Variants in CIMAP1D observed in about 807,000 individuals in gnomAD.
CIMAP1D encodes CIMAP1 family member D, also known as protein CIMAP1D.
the CIMAP1D span, among the ~76,000 whole-genome samples, chr19:479,190 C>CTGAT: frequency 6.6e-6 from 1 of 152,142 alleles, no homozygotes; most frequent in African/African-American, 2.4e-5. Flanking sequence ...TGCTGAGGGC[C>CTGAT]ATCACCACCC....
At chr19:478,585 C>T in the CIMAP1D span, among the ~76,000 whole-genome samples, 588 of 152,376 alleles carry the variant, frequency 3.9e-3, 4 homozygotes, top group African/African-American at 0.013. Context: ...CAGCTCAGAG[C>T]TTGTCGCAAC....
chr19:478,214 C>T, the CIMAP1D span, among the ~76,000 whole-genome samples: 1 of 152,218 alleles, frequency 6.6e-6, no homozygotes, highest in Non-Finnish European at 1.5e-5. Context: ...AAGTGCAGGA[C>T]CCCAGGGGCT....
At chr19:463,619 A>T in the CIMAP1D span, 2 of 630,684 alleles carry the variant, frequency 3.2e-6, no homozygotes, top group Non-Finnish European at 5.1e-6. Context: ...CCTGGAAGAA[A>T]CTGGGGCACT....
At chr19:485,791 C>T in the CIMAP1D span, among the ~76,000 whole-genome samples, 4 of 152,222 alleles carry the variant, frequency 2.6e-5, no homozygotes, top group Admixed American at 6.5e-5. Flanking sequence ...CCCTGGCACA[C>T]GGCACAGCAG....
At chr19:472,496 C>T in the CIMAP1D span, 2 of 1,542,130 alleles carry the variant, frequency 1.3e-6, no homozygotes, top group East Asian at 2.5e-5. Flanking sequence ...AAGCCTGGCC[C>T]CGAGCCTGCA....
At chr19:478,513 G>A in the CIMAP1D span, among the ~76,000 whole-genome samples, 1 of 152,258 alleles carries the variant, frequency 6.6e-6, no homozygotes. Context: ...AACGAGCTGG[G>A]GCCCCTCCAG....
the CIMAP1D span, chr19:463,369 A>C: frequency 5.8e-6 from 1 of 172,810 alleles, no homozygotes; most frequent in Non-Finnish European, 1.2e-5. Flanking sequence ...TCTCCAGCCC[A>C]GGAAAGGTTT....
At chr19:479,139 T>C in the CIMAP1D span, among the ~76,000 whole-genome samples, 1 of 152,150 alleles carries the variant, frequency 6.6e-6, no homozygotes, top group Non-Finnish European at 1.5e-5. Flanking sequence ...AAATGCAGAA[T>C]GTTGGCAAAC....
chr19:474,917 G>A, the CIMAP1D span: 6 of 527,016 alleles, frequency 1.1e-5, no homozygotes, highest in East Asian at 1.0e-4. Flanking sequence ...GCAGGGAGTC[G>A]TGGGGCCCTG....
chr19:478,293 T>A, the CIMAP1D span, among the ~76,000 whole-genome samples: 5 of 100,992 alleles, frequency 5.0e-5, no homozygotes, highest in African/African-American at 6.9e-4. Flanking sequence ...CCTCCTCACA[T>A]CCGGGTCACC....
At chr19:482,919 C>T in the CIMAP1D span, among the ~76,000 whole-genome samples, 1 of 152,270 alleles carries the variant, frequency 6.6e-6, no homozygotes, top group Non-Finnish European at 1.5e-5. Context: ...AGTGAACTTC[C>T]CAGGCAGACC....
At chr19:484,772 G>A in the CIMAP1D span, among the ~76,000 whole-genome samples, 10 of 152,198 alleles carry the variant, frequency 6.6e-5, 1 homozygote, top group African/African-American at 1.2e-4. Flanking sequence ...GAGGGAGGGC[G>A]GGGCTGACCC....
chr19:473,686 T>C, the CIMAP1D span, among the ~76,000 whole-genome samples: 1,462 of 58,506 alleles, frequency 0.025, no homozygotes, highest in African/African-American at 0.046. Flanking sequence ...CAGAGATACA[T>C]GGTCACAGAT....
the CIMAP1D span, among the ~76,000 whole-genome samples, chr19:488,507 G>A: frequency 6.6e-6 from 1 of 152,238 alleles, no homozygotes; most frequent in African/African-American, 2.4e-5. Context: ...GGGCGACAGA[G>A]CGAGACTCCG....
chr19:467,095 G>T, the CIMAP1D span, among the ~76,000 whole-genome samples: 1 of 137,224 alleles, frequency 7.3e-6, no homozygotes, highest in Non-Finnish European at 1.6e-5. Flanking sequence ...GTGGATGGAC[G>T]GGTGGATAGA....
At chr19:480,565 T>C in the CIMAP1D span, among the ~76,000 whole-genome samples, 2 of 139,052 alleles carry the variant, frequency 1.4e-5, 1 homozygote, top group East Asian at 4.4e-4. Flanking sequence ...AGAACGATGA[T>C]GGAGAACGAT....
chr19:464,129 CGGGGGGCGGGCG>C, the CIMAP1D span: 1 of 881,230 alleles, frequency 1.1e-6, no homozygotes, highest in Non-Finnish European at 1.3e-6. Context: ...CAGGATCCTG[CGGGGGGCGGGCG>C]GGGGGGGTGC....
the CIMAP1D span, among the ~76,000 whole-genome samples, chr19:487,729 C>T: frequency 6.6e-6 from 1 of 150,624 alleles, no homozygotes; most frequent in Non-Finnish European, 1.5e-5. Context: ...CGAGACCAGC[C>T]TGGCCAACAT....
the CIMAP1D span, chr19:472,631 C>G: frequency 1.1e-5 from 6 of 558,344 alleles, no homozygotes; most frequent in Non-Finnish European, 1.9e-5. Context: ...CCCCGGGGAG[C>G]AAGAGGCTGC....
Sources: allele counts gnomAD v4.1 joint callset (sites outside exome capture counted in the v4.1 genomes callset), GRCh38; gene constraint gnomAD v4.1.1; transcripts MANE v1.5; gene names NCBI Gene and HGNC (gene_info 2026-07-23, HGNC 2026-07-21).